TENM1: variants seen among roughly 807,000 people sequenced by gnomAD.
TENM1 encodes the protein teneurin-1.
In TENM1, 35 loss-of-function variants were observed where a neutral mutation model predicts 174.8. The observed-to-expected ratio is 0.20, with a 90% confidence interval of 0.15 to 0.27. TENM1 has a LOEUF of 0.27. TENM1 is among the 10% of genes least tolerant of loss of function. TENM1 has a pLI of 1.00. For synonymous variants in TENM1, 781 were observed against 798.7 expected (o/e 0.98, Z 0.37); for missense variants, 1,633 against 2,130.1 (o/e 0.77, Z 4.59).
intron 8 of TENM1, among the ~76,000 whole-genome samples, chrX:124,651,693 A>G (rs776679622): frequency 6.3e-5 from 7 of 111,549 alleles, no homozygotes; most frequent in Non-Finnish European, 1.1e-4. Flanking sequence ...AGTGTCCTAG[A>G]AGAGCAACAA....
At chrX:124,891,487 T>C (rs1451078272) in intron 3 of TENM1, among the ~76,000 whole-genome samples, 1 of 109,880 alleles carries the variant, frequency 9.1e-6, no homozygotes, top group Non-Finnish European at 1.9e-5. Context: ...GGTGAAACCT[T>C]GTCTAAACTA....
chrX:124,381,381 G>T, intron 31 of TENM1, 87 bp from the exon 35 acceptor site: 1 of 911,364 alleles, frequency 1.1e-6, no homozygotes, highest in Non-Finnish European at 1.5e-6. Context: ...AGGCTTGCAA[G>T]TTTGCTTCCT....
At chrX:124,451,763 A>C (rs1182043627) in intron 23 of TENM1, among the ~76,000 whole-genome samples, 1 of 111,943 alleles carries the variant, frequency 8.9e-6, no homozygotes, top group Non-Finnish European at 1.9e-5. Flanking sequence ...CAAAAACAAG[A>C]AATGGGGAAA....
chrX:124,477,304 C>T (rs755888430), intron 22 of TENM1, among the ~76,000 whole-genome samples: 17 of 112,142 alleles, frequency 1.5e-4, no homozygotes, highest in Non-Finnish European at 5.6e-5. Context: ...ACTATGGGTA[C>T]ACTACTAGGT....
intron 1 of TENM1, among the ~76,000 whole-genome samples, chrX:124,933,463 C>T (rs1410940654): frequency 1.8e-5 from 2 of 112,131 alleles, no homozygotes; most frequent in Non-Finnish European, 3.8e-5. Context: ...TCTCAACTTA[C>T]AGACAATTTT....
At chrX:125,054,328 G>A in the TENM1 span, among the ~76,000 whole-genome samples, 147 of 109,941 alleles carry the variant, frequency 1.3e-3, no homozygotes, top group Admixed American at 3.8e-3. Context: ...CCCCAGCCAC[G>A]CTTTCTGTAC....
At chrX:124,382,994 T>G in intron 30 of TENM1, among the ~76,000 whole-genome samples, 182 bp from the exon 34 acceptor site, 1 of 107,423 alleles carries the variant, frequency 9.3e-6, no homozygotes, top group East Asian at 2.9e-4. Context: ...CTCACTCTGT[T>G]GCCCAGGCTG....
At chrX:125,087,580 C>G in the TENM1 span, among the ~76,000 whole-genome samples, 1 of 110,707 alleles carries the variant, frequency 9.0e-6, no homozygotes, top group Non-Finnish European at 1.9e-5. Context: ...CTTAAGATAA[C>G]TAAAATTAAA....
At chrX:124,827,990 T>C (rs975820179) in intron 3 of TENM1, among the ~76,000 whole-genome samples, 39 of 111,580 alleles carry the variant, frequency 3.5e-4, no homozygotes, top group African/African-American at 1.2e-3. Flanking sequence ...CTTTAAAATA[T>C]GAAGGGCCCC....
At chrX:124,391,854 G>A (rs971999364) in intron 28 of TENM1, among the ~76,000 whole-genome samples, 198 bp downstream of exon 31, 1 of 111,935 alleles carries the variant, frequency 8.9e-6, no homozygotes, top group Non-Finnish European at 1.9e-5. Flanking sequence ...ACTTGGCAGA[G>A]TCTGGGACTG....
chrX:124,965,876 T>C (rs1490672444), upstream of TENM1, among the ~76,000 whole-genome samples: 1 of 111,637 alleles, frequency 9.0e-6, no homozygotes, highest in Non-Finnish European at 1.9e-5. Context: ...CTTGGGTATC[T>C]AAAAGATACG....
chrX:124,673,734 CCT>C (rs1346822966), intron 5 of TENM1, among the ~76,000 whole-genome samples: 11 of 110,477 alleles, frequency 1.0e-4, no homozygotes, highest in Non-Finnish European at 2.1e-4. Flanking sequence ...TCTCTCTCTC[CCT>C]CTCTCTCGCT....
At chrX:125,010,598 AG>A in the TENM1 span, among the ~76,000 whole-genome samples, 1 of 109,357 alleles carries the variant, frequency 9.1e-6, no homozygotes. Flanking sequence ...GCGGATCATG[AG>A]GTCAGGAGAT....
intron 3 of TENM1, among the ~76,000 whole-genome samples, chrX:124,810,426 G>C (rs73215148): frequency 0.035 from 3,919 of 110,667 alleles, 112 homozygotes; most frequent in East Asian, 0.18. Context: ...TGAGTTATCT[G>C]AAAGAGAAAG....
chrX:124,845,361 T>C (rs1248859873), intron 3 of TENM1, among the ~76,000 whole-genome samples: 2 of 111,272 alleles, frequency 1.8e-5, no homozygotes, highest in Non-Finnish European at 3.8e-5. Context: ...CAGTGGGCCC[T>C]AGATTTTGTA....
intron 3 of TENM1, among the ~76,000 whole-genome samples, chrX:124,783,850 C>A (rs1024410137): frequency 4.5e-5 from 5 of 112,131 alleles, no homozygotes; most frequent in Non-Finnish European, 9.4e-5. Flanking sequence ...ACCACAACCA[C>A]TGGAAAGTCA....
At chrX:124,933,839 C>G (rs2058207563) in intron 1 of TENM1, among the ~76,000 whole-genome samples, 1 of 111,421 alleles carries the variant, frequency 9.0e-6, no homozygotes, top group Non-Finnish European at 1.9e-5. Context: ...CATTTTAGGA[C>G]CATTTTTGCA....
intron 4 of TENM1, 22 bp downstream of exon 7, chrX:124,736,935 G>T: frequency 8.4e-7 from 1 of 1,186,583 alleles, no homozygotes; most frequent in South Asian, 1.9e-5. Flanking sequence ...AAGTTTAGTG[G>T]GATCAATAAT....
chrX:125,052,872 A>G, the TENM1 span, among the ~76,000 whole-genome samples: 1 of 111,903 alleles, frequency 8.9e-6, no homozygotes, highest in Non-Finnish European at 1.9e-5. Flanking sequence ...CACAATTTTA[A>G]TTAAATTTTT....
Sources: gnomAD v4.1 joint callset for allele counts (sites outside exome capture counted in the v4.1 genomes callset) on GRCh38, gnomAD v4.1.1 for gene constraint, MANE v1.5 for transcripts, NCBI Gene and HGNC (gene_info 2026-07-23, HGNC 2026-07-21) for gene names.